MAPK10: variants seen among roughly 807,000 people sequenced by gnomAD.
The protein encoded by MAPK10 is JNK3 alpha protein kinase.
In MAPK10, 25 loss-of-function variants were observed where a neutral mutation model predicts 59.3. The observed-to-expected ratio is 0.42, with a 90% CI of 0.31 to 0.59. The LOEUF is 0.59. Among genes scored for constraint, MAPK10 ranks in the 20% least tolerant of loss-of-function variants. The pLI is 0.15. For missense variants in MAPK10, 351 were observed against 568.9 expected, an observed-to-expected ratio of 0.62 and a Z score of 3.90; for synonymous variants, 190 against 200.5, an observed-to-expected ratio of 0.95 and a Z score of 0.44.
In MAPK10 at chr4:86,344,321, T is replaced by C. The variant is rs1298150843; in HGVS notation, c.-7+10209A>G. Among the ~76,000 whole-genome samples, 4 of 152,162 alleles carry C rather than the reference T, an allele frequency of 2.6e-5. No homozygotes were observed. In the East Asian group the frequency reaches 5.8e-4, roughly 22 times the overall value. On this transcript the variant is annotated intron_variant, in intron 2 of 13. Coordinates refer to ENST00000641462, the MANE Select transcript of MAPK10 (RefSeq NM_138982.4). ...TTTTCGTAGAGTCAGTGTCTTGCTA[T>C]ATTGCCCAGGCTGGCCTCAAACTCC...
chr4:86,486,178 A>G (rs1753976897), intron 1 of MAPK10, among the ~76,000 whole-genome samples: 1 of 152,152 alleles, frequency 6.6e-6, no homozygotes. Context: ...AGTCCCAGCT[A>G]CTCGGGAGGC....
intron 1 of MAPK10, among the ~76,000 whole-genome samples, chr4:86,440,363 G>A (rs1402120224): frequency 6.6e-6 from 1 of 152,124 alleles, no homozygotes; most frequent in Non-Finnish European, 1.5e-5. Context: ...ACATGGCCAG[G>A]TGCCCTCATG....
chr4:86,290,779 G>T (rs2095198266), intron 2 of MAPK10, among the ~76,000 whole-genome samples: 1 of 152,090 alleles, frequency 6.6e-6, no homozygotes, highest in South Asian at 2.1e-4. Context: ...TTATAAAGTT[G>T]ACCTTTTTCC....
intron 1 of MAPK10, among the ~76,000 whole-genome samples, chr4:86,581,855 T>C (rs892861491): frequency 4.2e-5 from 6 of 144,542 alleles, no homozygotes; most frequent in African/African-American, 1.3e-4. Flanking sequence ...TTGCTGGCAC[T>C]GATAAGTTTC....
At chr4:86,052,639 G>A (rs2043789684) in intron 11 of MAPK10, among the ~76,000 whole-genome samples, 1 of 152,058 alleles carries the variant, frequency 6.6e-6, no homozygotes, top group Non-Finnish European at 1.5e-5. Context: ...TCATAGGGGT[G>A]CTATAAACAT....
intron 1 of MAPK10, among the ~76,000 whole-genome samples, chr4:86,589,361 G>C (rs1004240380): frequency 3.3e-5 from 5 of 152,108 alleles, no homozygotes; most frequent in African/African-American, 9.7e-5. Flanking sequence ...CACTTATCTG[G>C]AAGGCAGCCC....
At position 86,016,834 on chromosome 4, in the gene MAPK10, A is replaced by G. The variant is rs1273168007; in HGVS notation, c.*394T>C. On this transcript the variant is annotated 3_prime_UTR_variant, in exon 14 of 14. Transcript: ENST00000641462. ...GCCAAGGAGCAGGTAGATGCAAGATAGAGACACACACATGCTGGATGGGGC... is the reference window on the plus strand; with the variant it reads ...GCCAAGGAGCAGGTAGATGCAAGATGGAGACACACACATGCTGGATGGGGC... 5.1e-6 allele frequency: 1 copy of G among 196,204 alleles called. No homozygotes were observed. The highest frequency in any genetic ancestry group is 1.1e-5 in the Non-Finnish European group (1 of 94,190). 12.2% of individuals were successfully genotyped at this position (196,204 alleles called of 1,614,324 possible).
chr4:86,238,883 G>A (rs1472603173), intron 2 of MAPK10, among the ~76,000 whole-genome samples: 1 of 152,158 alleles, frequency 6.6e-6, no homozygotes, highest in Non-Finnish European at 1.5e-5. Flanking sequence ...CAAATACTAT[G>A]TTGAATAGGA....
At chr4:86,303,951 C>A (rs890323942) in intron 2 of MAPK10, among the ~76,000 whole-genome samples, 1 of 152,132 alleles carries the variant, frequency 6.6e-6, no homozygotes, top group Non-Finnish European at 1.5e-5. Flanking sequence ...TCTGCACACA[C>A]CTATGGAATC....
chr4:86,057,423 ACAGTCAGGAAAC>A (rs1440739125), intron 11 of MAPK10, among the ~76,000 whole-genome samples: 2 of 150,178 alleles, frequency 1.3e-5, no homozygotes, highest in Non-Finnish European at 3.0e-5. Flanking sequence ...TTCAGATTCT[ACAGTCAGGAAAC>A]CATACACCAA....
chr4:86,317,324 G>A (rs1001424097), intron 2 of MAPK10, among the ~76,000 whole-genome samples: 1 of 152,008 alleles, frequency 6.6e-6, no homozygotes, highest in Admixed American at 6.6e-5. Flanking sequence ...TCGTACTTTC[G>A]TTCAGGCTCT....
upstream of MAPK10, among the ~76,000 whole-genome samples, chr4:86,456,758 C>T (rs1387561854): frequency 6.6e-6 from 1 of 152,144 alleles, no homozygotes; most frequent in Non-Finnish European, 1.5e-5. Flanking sequence ...ATTCGATTGA[C>T]ACTATTCCAC....
At chr4:86,081,707 C>T (rs1283391525) in intron 9 of MAPK10, 1 of 151,880 alleles carries the variant, frequency 6.6e-6, no homozygotes, top group Non-Finnish European at 1.5e-5. Flanking sequence ...ATGACAATGG[C>T]AAAAGTTGAT....
chr4:86,221,385 C>T (rs2089531273), intron 2 of MAPK10, among the ~76,000 whole-genome samples: 1 of 152,050 alleles, frequency 6.6e-6, no homozygotes, highest in African/African-American at 2.4e-5. Flanking sequence ...GTAGAAATTG[C>T]AGTAACCAAG....
chr4:86,055,098 G>A (rs2044298374), intron 11 of MAPK10, among the ~76,000 whole-genome samples: 1 of 152,262 alleles, frequency 6.6e-6, no homozygotes, highest in South Asian at 2.1e-4. Context: ...GAAACAAAAG[G>A]TCACCAGTGA....
chr4:86,212,320 C>G (rs1162108952), intron 2 of MAPK10, among the ~76,000 whole-genome samples: 2 of 152,106 alleles, frequency 1.3e-5, no homozygotes, highest in African/African-American at 4.8e-5. Flanking sequence ...GAGTTCAAGA[C>G]CAGCCTGGGC....
chr4:86,488,922 C>T (rs910599738), intron 1 of MAPK10, among the ~76,000 whole-genome samples: 23 of 152,166 alleles, frequency 1.5e-4, no homozygotes, highest in African/African-American at 5.3e-4. Flanking sequence ...CAGGACCGGC[C>T]AAATGTGACA....
At chr4:86,297,878 A>G (rs2095397873) in intron 2 of MAPK10, among the ~76,000 whole-genome samples, 1 of 152,182 alleles carries the variant, frequency 6.6e-6, no homozygotes, top group South Asian at 2.1e-4. Context: ...TAAGTTTCCT[A>G]AGATGGCATA....
At chr4:86,198,579 G>T (rs1294168983) in intron 2 of MAPK10, among the ~76,000 whole-genome samples, 1 of 151,808 alleles carries the variant, frequency 6.6e-6, no homozygotes, top group African/African-American at 2.4e-5. Flanking sequence ...ACCTCACGTT[G>T]TACACAAAAA....
Sources: allele counts gnomAD v4.1 joint callset (sites outside exome capture counted in the v4.1 genomes callset), GRCh38; gene constraint gnomAD v4.1.1; transcripts MANE v1.5; gene names NCBI Gene and HGNC (gene_info 2026-07-23, HGNC 2026-07-21).